The following HSP90AA1 variants were observed in gnomAD, a reference collection of about 807,000 sequenced individuals.
The protein encoded by HSP90AA1 is heat shock protein 90 alpha family class A member 1, also known as heat shock protein HSP 90-alpha.
In HSP90AA1, 18 loss-of-function variants were observed where a neutral mutation model predicts 73.3. The observed-to-expected ratio is 0.25, with a 90% confidence interval of 0.17 to 0.36. The LOEUF (loss-of-function observed/expected upper bound fraction) is 0.36, where lower values mean the gene tolerates loss of function less well. Among genes scored for constraint, HSP90AA1 ranks in the 10% least tolerant of loss-of-function variants. The pLI, the probability that HSP90AA1 is intolerant of heterozygous loss-of-function variation, is 1.00. For synonymous variants in HSP90AA1, 477 were observed against 296.9 expected (o/e 1.61, Z -6.24); for missense variants, 704 against 874.2 (o/e 0.81, Z 2.45).
intron 1 of HSP90AA1, among the ~76,000 whole-genome samples, chr14:102,124,395 G>A (rs2049816645): frequency 6.6e-6 from 1 of 151,982 alleles, no homozygotes; most frequent in Non-Finnish European, 1.5e-5. Flanking sequence ...GTTTCACCAT[G>A]TTGGCCAGGT....
intron 2 of HSP90AA1, chr14:102,101,852 A>G (rs779887764): frequency 5.7e-6 from 9 of 1,591,186 alleles, no homozygotes; most frequent in Non-Finnish European, 6.9e-6. Context: ...TAGGATAGTA[A>G]TTTTAAACCT....
chr14:102,100,249 C>T (rs1017244963), intron 2 of HSP90AA1, among the ~76,000 whole-genome samples: 3 of 152,028 alleles, frequency 2.0e-5, no homozygotes, highest in African/African-American at 7.2e-5. Flanking sequence ...TCTTTAAAAC[C>T]GAACAGCTGG....
At chr14:102,134,491 A>C (rs1199634875) in intron 1 of HSP90AA1, among the ~76,000 whole-genome samples, 1 of 152,060 alleles carries the variant, frequency 6.6e-6, no homozygotes, top group African/African-American at 2.4e-5. Context: ...CCTCGCAGTG[A>C]GTGTTACAAC....
rs186892801 is a variant in HSP90AA1 at position 102,110,036 on chromosome 14, C to T, written c.156-7951G>A. Among the ~76,000 whole-genome samples the T allele has an allele frequency of 5.9e-4, 90 of 152,116 alleles. 1 individual carries two copies. The highest frequency in any genetic ancestry group is 2.0e-3 in the African/African-American group (85 of 41,508). ...GCAAATTCCGCCTCCTGGGTTCAAG[C>T]GATTCTTCTGCCTCAGCCTCCTGAG... On this transcript the variant is annotated intron_variant, in intron 1 of 11. Coordinates refer to the HSP90AA1 transcript ENST00000334701.
chr14:102,132,574 G>A (rs1177174066), intron 1 of HSP90AA1, among the ~76,000 whole-genome samples: 1 of 152,084 alleles, frequency 6.6e-6, no homozygotes, highest in African/African-American at 2.4e-5. Context: ...AAAAAAAATT[G>A]AGACAACAGA....
intron 1 of HSP90AA1, among the ~76,000 whole-genome samples, chr14:102,123,682 T>C (rs2049806966): frequency 6.6e-6 from 1 of 152,184 alleles, no homozygotes; most frequent in African/African-American, 2.4e-5. Context: ...AGATAGTTTA[T>C]GAACATGTTC....
At chr14:102,121,346 A>G (rs371376488) in intron 1 of HSP90AA1, among the ~76,000 whole-genome samples, 2 of 152,138 alleles carry the variant, frequency 1.3e-5, no homozygotes, top group East Asian at 1.9e-4. Context: ...ATTATTGCCA[A>G]TTTTTCACTA....
At chr14:102,116,780 G>A (rs745313) in intron 1 of HSP90AA1, among the ~76,000 whole-genome samples, 13,284 of 151,880 alleles carry the variant, frequency 0.087, 1,021 homozygotes, top group African/African-American at 0.21. Flanking sequence ...TGCCACAATG[G>A]GGCTGGGCAC....
chr14:102,089,415 A>G (rs1415811875), upstream of HSP90AA1, among the ~76,000 whole-genome samples: 2 of 152,176 alleles, frequency 1.3e-5, no homozygotes, highest in Non-Finnish European at 2.9e-5. Flanking sequence ...GTTAATAAAC[A>G]GGACATTTTT....
rs937644602 is a variant in HSP90AA1 at position 102,081,322 on chromosome 14, C to T, written c.*390G>A. ...GGAATGAAAAGTTCAAAAAGTAGAT[C>T]CTACAAGATGTAACGAATACTTTTC... On this transcript the variant is annotated 3_prime_UTR_variant, in exon 11 of 11. Coordinates refer to ENST00000216281, the MANE Select transcript of HSP90AA1 (RefSeq NM_005348.4). The T allele has an allele frequency of 6.5e-6, 2 of 305,778 alleles. No homozygotes were observed. The highest frequency in any genetic ancestry group is 9.3e-5 in the Admixed American group (2 of 21,608). The allele number at this position is 305,778 out of a possible 1,614,324, so 18.9% of individuals were successfully genotyped here.
intron 1 of HSP90AA1, among the ~76,000 whole-genome samples, chr14:102,106,845 G>A (rs2049575798): frequency 6.6e-6 from 1 of 151,488 alleles, no homozygotes; most frequent in Admixed American, 6.6e-5. Context: ...CGCCCACCCT[G>A]TTGAGCTAAT....
At chr14:102,084,620 T>TG in intron 5 of HSP90AA1, 56 bp from the exon 6 acceptor site, 1 of 1,614,170 alleles carries the variant, frequency 6.2e-7, no homozygotes, top group South Asian at 1.1e-5. Context: ...AGAAGATATT[T>TG]GGGGTGGTGG....
At chr14:102,108,932 A>G (rs1463590107) in intron 1 of HSP90AA1, among the ~76,000 whole-genome samples, 1 of 152,186 alleles carries the variant, frequency 6.6e-6, no homozygotes, top group Admixed American at 6.6e-5. Flanking sequence ...TGACTTTAGC[A>G]GGGCTATGTG....
At chr14:102,083,520 A>C in intron 8 of HSP90AA1, 26 bp downstream of exon 8, 4 of 1,609,020 alleles carry the variant, frequency 2.5e-6, no homozygotes, top group Non-Finnish European at 3.4e-6. Flanking sequence ...AACGACGTGT[A>C]TGACTGTAAC....
At chr14:102,124,730 T>C (rs144976423) in intron 1 of HSP90AA1, among the ~76,000 whole-genome samples, 1,866 of 152,294 alleles carry the variant, frequency 0.012, 16 homozygotes, top group Middle Eastern at 0.041. Context: ...AGTTCTTCAG[T>C]TGATCCTCTT....
intron 1 of HSP90AA1, among the ~76,000 whole-genome samples, chr14:102,108,530 AC>A (rs1037841112): frequency 1.4e-5 from 2 of 142,734 alleles, no homozygotes; most frequent in Non-Finnish European, 3.1e-5. Context: ...CTAACTTATA[AC>A]TTTTTTTTTT....
chr14:102,123,328 A>T (rs2049801437), intron 1 of HSP90AA1, among the ~76,000 whole-genome samples: 1 of 152,104 alleles, frequency 6.6e-6, no homozygotes, highest in South Asian at 2.1e-4. Flanking sequence ...GGGAGGCAGT[A>T]GTGAGCCAAG....
chr14:102,088,071 C>G (rs968651731), upstream of HSP90AA1, among the ~76,000 whole-genome samples: 1 of 149,244 alleles, frequency 6.7e-6, no homozygotes, highest in Non-Finnish European at 1.5e-5. Context: ...CCTCAGCTTT[C>G]CCAGTAGCTG....
chr14:102,139,386 C>T (rs746324011), exon 1 of HSP90AA1: 3 of 1,580,404 alleles, frequency 1.9e-6, no homozygotes, highest in Admixed American at 1.9e-5. Flanking sequence ...GAGCCGTCCC[C>T]GCCCGAACAC....
Sources: gnomAD v4.1 joint callset for allele counts (sites outside exome capture counted in the v4.1 genomes callset) on GRCh38, gnomAD v4.1.1 for gene constraint, MANE v1.5 for transcripts, NCBI Gene and HGNC (gene_info 2026-07-23, HGNC 2026-07-21) for gene names.